VSNL1: variants seen among roughly 807,000 people sequenced by gnomAD.
VSNL1 encodes the protein visinin like 1, also known as visinin-like protein 1.
VSNL1 carries 6 observed loss-of-function variants against 20.4 expected under a neutral mutation model. The ratio of observed to expected loss-of-function variants is 0.29; its 90% CI spans 0.16 to 0.58. The LOEUF (loss-of-function observed/expected upper bound fraction) is 0.58. Among genes scored for constraint, VSNL1 ranks in the 20% least tolerant of loss-of-function variants. The pLI is 0.90. For synonymous variants in VSNL1, 93 were observed against 86.4 expected (o/e 1.08, Z -0.42); for missense variants, 100 against 234.5 (o/e 0.43, Z 3.75).
At chr2:17,551,907 A>AC (rs1558279134) in intron 1 of VSNL1, among the ~76,000 whole-genome samples, 1 of 150,952 alleles carries the variant, frequency 6.6e-6, no homozygotes, top group East Asian at 1.9e-4. Flanking sequence ...AAAAAAAAAA[A>AC]AAAAAAAAAG....
chr2:17,591,088 A>T (rs1197892720), intron 1 of VSNL1, among the ~76,000 whole-genome samples: 2 of 151,804 alleles, frequency 1.3e-5, no homozygotes, highest in Admixed American at 6.6e-5. Flanking sequence ...TAATTTTGGA[A>T]TTTTTTTTGG....
chr2:17,612,854 T>C (rs921568363), intron 2 of VSNL1, among the ~76,000 whole-genome samples: 14 of 152,250 alleles, frequency 9.2e-5, no homozygotes, highest in African/African-American at 3.4e-4. Context: ...AAGGAAGAGT[T>C]TCCAAAGCCC....
intron 2 of VSNL1, among the ~76,000 whole-genome samples, chr2:17,609,057 A>G (rs1665019499): frequency 6.6e-6 from 1 of 152,176 alleles, no homozygotes; most frequent in South Asian, 2.1e-4. Flanking sequence ...ATCTAAGTTT[A>G]ACTGTGACAG....
At chr2:17,648,937 C>T (rs931574452) in intron 2 of VSNL1, among the ~76,000 whole-genome samples, 10 of 152,306 alleles carry the variant, frequency 6.6e-5, no homozygotes, top group Admixed American at 2.0e-4. Context: ...GGGCCCAGGA[C>T]GAGGGCTGGT....
chr2:17,582,629 ACT>A (rs1470799011), intron 1 of VSNL1, among the ~76,000 whole-genome samples: 2 of 151,990 alleles, frequency 1.3e-5, no homozygotes, highest in Non-Finnish European at 2.9e-5. Flanking sequence ...TGATGCCCAG[ACT>A]CTGCATGGAA....
intron 2 of VSNL1, among the ~76,000 whole-genome samples, chr2:17,612,795 C>G (rs1439065797): frequency 6.6e-6 from 1 of 152,186 alleles, no homozygotes; most frequent in African/African-American, 2.4e-5. Context: ...GCAATTCCTT[C>G]GTTTCCCAGA....
chr2:17,569,665 T>A (rs536541072), intron 1 of VSNL1, among the ~76,000 whole-genome samples: 7 of 152,294 alleles, frequency 4.6e-5, no homozygotes, highest in African/African-American at 1.7e-4. Flanking sequence ...CTCTTTCCTC[T>A]TCATCTGTGT....
At chr2:17,557,569 A>G (rs1663715413) in intron 1 of VSNL1, among the ~76,000 whole-genome samples, 1 of 152,208 alleles carries the variant, frequency 6.6e-6, no homozygotes, top group East Asian at 1.9e-4. Flanking sequence ...ACTCCAGGAA[A>G]ATCCACTGAG....
Position 17,649,709 on chromosome 2 carries a change from C to A in VSNL1, c.378+84C>A, listed in dbSNP as rs1048003690. 47 of 1,303,476 alleles carry A rather than the reference C, an allele frequency of 3.6e-5. No homozygotes were observed. The highest frequency in any genetic ancestry group is 4.9e-5 in the Non-Finnish European group (45 of 919,348). 80.7% of individuals were successfully genotyped at this position (1,303,476 alleles called of 1,614,324 possible). A position where few individuals can be genotyped will look rare whatever the true frequency, so the allele number is the denominator to read the frequency against. Reference sequence around the variant, plus strand: ...TCCTAGGTGCAGGCCTTAGTGGCTTCTTCTCTCTCTGCTCGAGCCCTGCCA... The same window carrying A: ...TCCTAGGTGCAGGCCTTAGTGGCTTATTCTCTCTCTGCTCGAGCCCTGCCA... On this transcript the variant is annotated intron_variant, in intron 3 of 3. Transcript: ENST00000295156. The surrounding 1 kb of genome is among the most constrained non-coding windows in gnomAD (Gnocchi z 6.4).
At chr2:17,574,445 G>A (rs76925726) in intron 1 of VSNL1, among the ~76,000 whole-genome samples, 5,685 of 152,210 alleles carry the variant, frequency 0.037, 377 homozygotes, top group African/African-American at 0.13. Flanking sequence ...TTTCTCAGAT[G>A]AGTCACCAAT....
At chr2:17,566,384 C>T (rs1291245965) in intron 1 of VSNL1, among the ~76,000 whole-genome samples, 1 of 152,128 alleles carries the variant, frequency 6.6e-6, no homozygotes, top group Non-Finnish European at 1.5e-5. Flanking sequence ...TAGAAGAATT[C>T]ATATTGCTCT....
intron 1 of VSNL1, among the ~76,000 whole-genome samples, chr2:17,568,716 A>G (rs1178920942): frequency 2.6e-5 from 4 of 152,190 alleles, no homozygotes; most frequent in African/African-American, 7.2e-5. Flanking sequence ...TTCTGGTTTC[A>G]GTGTCCTTCG....
At chr2:17,542,075 G>A (rs1663296783) in intron 1 of VSNL1, among the ~76,000 whole-genome samples, 1 of 152,144 alleles carries the variant, frequency 6.6e-6, no homozygotes, top group Non-Finnish European at 1.5e-5. Context: ...AGAAAAGCTG[G>A]GGAGTTTTAT....
intron 1 of VSNL1, among the ~76,000 whole-genome samples, chr2:17,546,412 GT>G (rs68180991): frequency 1.3e-5 from 2 of 150,756 alleles, no homozygotes; most frequent in African/African-American, 2.4e-5. Flanking sequence ...ATAGTTTTTT[GT>G]TTTTTTTGGC....
intron 2 of VSNL1, among the ~76,000 whole-genome samples, chr2:17,617,033 C>T (rs1202574074): frequency 6.6e-6 from 1 of 152,238 alleles, no homozygotes; most frequent in African/African-American, 2.4e-5. Context: ...AGCCATCAAC[C>T]TGACCATTTT....
At chr2:17,591,753 A>G (rs987344154) in intron 1 of VSNL1, among the ~76,000 whole-genome samples, 1 of 152,116 alleles carries the variant, frequency 6.6e-6, no homozygotes, top group Non-Finnish European at 1.5e-5. Context: ...AGGAAAAGAA[A>G]AACAACTTCT....
chr2:17,543,988 G>A (rs1247901190), intron 1 of VSNL1, among the ~76,000 whole-genome samples: 1 of 151,976 alleles, frequency 6.6e-6, no homozygotes, highest in African/African-American at 2.4e-5. Context: ...AATCTCCCAG[G>A]CACTCAGAAA....
chr2:17,588,994 C>T (rs1572350403), intron 1 of VSNL1, among the ~76,000 whole-genome samples: 1 of 152,138 alleles, frequency 6.6e-6, no homozygotes, highest in Non-Finnish European at 1.5e-5. Context: ...TAATAACAAT[C>T]CAGTAGAGAA....
chr2:17,540,914 T>C lies in VSNL1; in HGVS notation c.-10T>C, dbSNP rs1663271236. On this transcript the variant is annotated 5_prime_UTR_variant, in exon 1 of 4. Transcript: ENST00000295156. ...CGTTAAGTGACCGTGCGCAGCGCTG[T>C]AACTGTAAGTGGAAAATACAATCTT... 1 of 152,328 alleles carries C rather than the reference T, an allele frequency of 6.6e-6. No individual in the cohort carries two copies. The highest frequency in any genetic ancestry group is 1.5e-5 in the Non-Finnish European group (1 of 68,032). The allele number at this position is 152,328 out of a possible 1,614,324, so 9.4% of individuals were successfully genotyped here.
Sources: gnomAD v4.1 joint callset for allele counts (sites outside exome capture counted in the v4.1 genomes callset) on GRCh38, gnomAD v4.1.1 for gene constraint, Gnocchi (gnomAD v3.1) non-coding constraint, MANE v1.5 for transcripts, NCBI Gene and HGNC (gene_info 2026-07-23, HGNC 2026-07-21) for gene names.